PDCD10: variants seen among roughly 807,000 people sequenced by gnomAD.
PDCD10 encodes the protein programmed cell death protein 10.
Under a neutral mutation model 29.2 loss-of-function variants are expected in PDCD10, and 4 were observed. That is an observed-to-expected ratio of 0.14 (90% CI 0.07 to 0.31). The LOEUF (loss-of-function observed/expected upper bound fraction) is 0.31. Ranked by LOEUF, PDCD10 falls within the 10% of genes least tolerant of loss-of-function variation. The pLI, the probability that PDCD10 is intolerant of heterozygous loss-of-function variation, is 1.00. For synonymous variants in PDCD10, 70 were observed against 82.2 expected (o/e 0.85, Z 0.80); for missense variants, 183 against 257.9 (o/e 0.71, Z 1.99).
intron 3 of PDCD10, among the ~76,000 whole-genome samples, chr3:167,715,069 A>T (rs1293903128): frequency 6.6e-6 from 1 of 151,910 alleles, no homozygotes; most frequent in Non-Finnish European, 1.5e-5. Context: ...GCAAAAAAAA[A>T]ACCAGACCAA....
chr3:167,716,989 G>T (rs960318661), intron 3 of PDCD10, among the ~76,000 whole-genome samples: 7 of 151,964 alleles, frequency 4.6e-5, no homozygotes. Flanking sequence ...TAATAGTTAT[G>T]TGAGAACCTG....
intron 6 of PDCD10, among the ~76,000 whole-genome samples, chr3:167,693,884 A>T (rs900910827): frequency 2.6e-5 from 4 of 152,208 alleles, no homozygotes; most frequent in Middle Eastern, 3.4e-3. Context: ...TGAGCCCAGG[A>T]GGTTGAGGGT....
intron 3 of PDCD10, among the ~76,000 whole-genome samples, chr3:167,712,415 T>TA (rs1722609714): frequency 6.6e-6 from 1 of 151,858 alleles, no homozygotes; most frequent in Admixed American, 6.6e-5. Context: ...TAATAGGTAA[T>TA]AAGATAGTGT....
intron 3 of PDCD10, among the ~76,000 whole-genome samples, chr3:167,708,003 G>A (rs1030433183): frequency 6.6e-6 from 1 of 152,188 alleles, no homozygotes; most frequent in Non-Finnish European, 1.5e-5. Flanking sequence ...GGCTGGGTAA[G>A]CCTAACAGGA....
chr3:167,703,838 T>C (rs1474566814), intron 4 of PDCD10, among the ~76,000 whole-genome samples: 1 of 152,178 alleles, frequency 6.6e-6, no homozygotes, highest in African/African-American at 2.4e-5. Context: ...AAGACACAGG[T>C]AAAATTATTT....
intron 2 of PDCD10, among the ~76,000 whole-genome samples, chr3:167,729,071 G>A (rs942761710): frequency 2.6e-5 from 4 of 152,250 alleles, no homozygotes; most frequent in Middle Eastern, 3.4e-3. Context: ...GATAAGAAAC[G>A]TGGATCTGCC....
At chr3:167,690,679 C>T (rs929244193) in intron 6 of PDCD10, among the ~76,000 whole-genome samples, 6 of 152,128 alleles carry the variant, frequency 3.9e-5, no homozygotes, top group African/African-American at 1.4e-4. Flanking sequence ...ATCATTTTTC[C>T]TTATCAACTC....
intron 2 of PDCD10, among the ~76,000 whole-genome samples, chr3:167,727,431 T>C (rs999562027): frequency 1.3e-5 from 2 of 152,230 alleles, no homozygotes; most frequent in Non-Finnish European, 2.9e-5. Flanking sequence ...AAAACACTTG[T>C]TGGAAGACAG....
chr3:167,684,123 T>G lies in PDCD10; in HGVS notation c.*185A>C. On this transcript the variant is annotated 3_prime_UTR_variant, in exon 9 of 9. Coordinates refer to ENST00000392750, the MANE Select transcript of PDCD10 (RefSeq NM_007217.4). ...AGCAAAAGTGATGCAAAATCTTCAG[T>G]GTGAGATTATGATTAAGCTACATTT... 1.9e-6 allele frequency: 1 copy of G among 521,444 alleles called. No individual in the cohort carries two copies. The highest frequency in any genetic ancestry group is 3.5e-6 in the Non-Finnish European group (1 of 287,572). The allele number at this position is 521,444 out of a possible 1,614,324, so 32.3% of individuals were successfully genotyped here. A position where few individuals can be genotyped will look rare whatever the true frequency, so the allele number is the denominator to read the frequency against.
At chr3:167,693,119 G>A (rs1272511475) in intron 6 of PDCD10, among the ~76,000 whole-genome samples, 1 of 152,128 alleles carries the variant, frequency 6.6e-6, no homozygotes, top group Non-Finnish European at 1.5e-5. Flanking sequence ...CTCTCTTTAT[G>A]TGACTCAAAA....
At chr3:167,723,309 G>A (rs1723770327) in intron 2 of PDCD10, among the ~76,000 whole-genome samples, 1 of 152,214 alleles carries the variant, frequency 6.6e-6, no homozygotes, top group African/African-American at 2.4e-5. Context: ...AGGGTTGGCT[G>A]AGCTGAGTGA....
At chr3:167,698,466 T>A (rs375204196) in intron 4 of PDCD10, among the ~76,000 whole-genome samples, 1 of 151,928 alleles carries the variant, frequency 6.6e-6, no homozygotes, top group East Asian at 1.9e-4. Context: ...AGCCCAGGAG[T>A]TCGTGGCTGC....
intron 3 of PDCD10, among the ~76,000 whole-genome samples, chr3:167,708,016 T>A (rs922663736): frequency 1.3e-5 from 2 of 152,046 alleles, no homozygotes; most frequent in Non-Finnish European, 2.9e-5. Flanking sequence ...TAACAGGAGG[T>A]CTTACCTCAA....
chr3:167,707,680 AAAAACAAAACAAAAC>A (rs542413350), intron 3 of PDCD10, among the ~76,000 whole-genome samples: 2 of 152,100 alleles, frequency 1.3e-5, no homozygotes, highest in Non-Finnish European at 2.9e-5. Flanking sequence ...TCTCCATCTC[AAAAACAAAACAAAAC>A]AAAACAAAAC....
intron 3 of PDCD10, among the ~76,000 whole-genome samples, chr3:167,711,831 G>A (rs1722550616): frequency 6.6e-6 from 1 of 152,052 alleles, no homozygotes; most frequent in Non-Finnish European, 1.5e-5. Context: ...CTTTTCAGTG[G>A]AAACCTTACA....
intron 4 of PDCD10, chr3:167,697,947 C>G (rs1353976822): frequency 2.2e-6 from 1 of 456,536 alleles, no homozygotes; most frequent in African/African-American, 2.0e-5. Flanking sequence ...CAATTTTAAT[C>G]ATTATGCTGA....
At chr3:167,728,028 A>C (rs1393336512) in intron 2 of PDCD10, among the ~76,000 whole-genome samples, 1 of 152,192 alleles carries the variant, frequency 6.6e-6, no homozygotes, top group Non-Finnish European at 1.5e-5. Context: ...TATTTCTTAC[A>C]AGAAGAAATT....
At chr3:167,685,396 CA>C (rs1184281849) in intron 8 of PDCD10, among the ~76,000 whole-genome samples, 13,185 of 56,580 alleles carry the variant, frequency 0.23, 295 homozygotes, top group African/African-American at 0.3. Context: ...ACTCTGTCTC[CA>C]AAAAAAAAAA....
chr3:167,719,702 G>A (rs1489012931), intron 3 of PDCD10, among the ~76,000 whole-genome samples: 2 of 151,992 alleles, frequency 1.3e-5, no homozygotes, highest in African/African-American at 4.8e-5. Flanking sequence ...TCAGGTCTTA[G>A]GATATATGTC....
Sources: gnomAD v4.1 joint callset for allele counts (sites outside exome capture counted in the v4.1 genomes callset) on GRCh38, gnomAD v4.1.1 for gene constraint, MANE v1.5 for transcripts, NCBI Gene and HGNC (gene_info 2026-07-23, HGNC 2026-07-21) for gene names.